ZNF385D: variants seen among roughly 807,000 people sequenced by gnomAD.
The protein encoded by ZNF385D is zinc finger protein 659.
A neutral mutation model predicts 35.8 loss-of-function variants in ZNF385D; 15 were observed. That is an observed-to-expected ratio of 0.42 (90% CI 0.28 to 0.64). The LOEUF (loss-of-function observed/expected upper bound fraction) is 0.64. Ranked by LOEUF, ZNF385D falls within the 30% of genes least tolerant of loss-of-function variation. ZNF385D has a pLI of 0.23. For synonymous variants in ZNF385D, 212 were observed against 186.8 expected (o/e 1.13, Z -1.10); for missense variants, 474 against 494.6 (o/e 0.96, Z 0.39).
At chr3:22,042,636 T>C (rs891439378) in intron 3 of ZNF385D, among the ~76,000 whole-genome samples, 1 of 152,116 alleles carries the variant, frequency 6.6e-6, no homozygotes, top group African/African-American at 2.4e-5. Context: ...GGAAAGCCCA[T>C]AAAACACCCA....
chr3:21,961,496 A>G (rs1327425012), intron 3 of ZNF385D: 1 of 152,196 alleles, frequency 6.6e-6, no homozygotes, highest in African/African-American at 2.4e-5. Flanking sequence ...TCTATTTGCA[A>G]TGAAATAAAT....
intron 2 of ZNF385D, among the ~76,000 whole-genome samples, chr3:22,230,820 T>C (rs149842145): frequency 2.3e-4 from 35 of 152,298 alleles, no homozygotes; most frequent in African/African-American, 7.9e-4. Flanking sequence ...ACAAGTATTG[T>C]TGTCTGCTTG....
intron 3 of ZNF385D, among the ~76,000 whole-genome samples, chr3:22,073,202 C>A (rs1700309988): frequency 6.6e-6 from 1 of 151,818 alleles, no homozygotes; most frequent in Non-Finnish European, 1.5e-5. Flanking sequence ...GTGTTTAAGT[C>A]CCAAATAATT....
rs924538716 is a variant in ZNF385D at position 21,417,771 on chromosome 3, C to T, written c.*3443G>A. Reference sequence around the variant, plus strand: ...TAATTTTCAAGTACATATAAATACTCCTTTGCTAACTAGTTTCTTGGCAAC... The same window carrying T: ...TAATTTTCAAGTACATATAAATACTTCTTTGCTAACTAGTTTCTTGGCAAC... On this transcript the variant is annotated 3_prime_UTR_variant, in exon 8 of 8. Coordinates refer to ENST00000281523, the MANE Select transcript of ZNF385D (RefSeq NM_024697.3). The T allele has an allele frequency of 1.3e-5, 2 of 152,066 alleles. No homozygotes were observed. Among genetic ancestry groups the T allele is most frequent in the African/African-American group, 4.8e-5 (2 of 41,408 alleles). 9.4% of individuals were successfully genotyped at this position (152,066 alleles called of 1,614,324 possible). A position where few individuals can be genotyped will look rare whatever the true frequency, so the allele number is the denominator to read the frequency against.
intron 3 of ZNF385D, among the ~76,000 whole-genome samples, chr3:21,855,607 T>C (rs1243861616): frequency 1.3e-5 from 2 of 151,994 alleles, no homozygotes; most frequent in Non-Finnish European, 2.9e-5. Flanking sequence ...GAAAAGATCA[T>C]CCAAATAAGA....
intron 4 of ZNF385D, among the ~76,000 whole-genome samples, chr3:21,440,272 A>C (rs1434800944): frequency 6.6e-6 from 1 of 152,142 alleles, no homozygotes; most frequent in Admixed American, 6.6e-5. Flanking sequence ...AATGAATGAT[A>C]ATGTTAACAG....
chr3:21,677,085 A>G (rs1015346775), intron 1 of ZNF385D, among the ~76,000 whole-genome samples: 2 of 152,160 alleles, frequency 1.3e-5, no homozygotes, highest in Non-Finnish European at 2.9e-5. Context: ...AAGGAAAGAC[A>G]TCGTAAAATA....
Position 21,732,027 on chromosome 3 carries a change from GGGGTTTT to G in ZNF385D, c.22+18861_22+18867del, listed in dbSNP as rs2069024761. ...CTATTCAGGGTTTTTTTCTTTTTTC[GGGGTTTT>G]TTTTTTTTTTTTTTTTTTTTTTTTT... On this transcript the variant is annotated intron_variant, in intron 1 of 7. Transcript: ENST00000281523. Among the ~76,000 whole-genome samples, 199 of 64,264 alleles carry G rather than the reference GGGGTTTT, an allele frequency of 3.1e-3. 61 individuals carry two copies. The highest frequency in any genetic ancestry group is 4.8e-3 in the African/African-American group (58 of 12,032). 42.2% of individuals were successfully genotyped at this position (64,264 alleles called of 152,430 possible).
intron 2 of ZNF385D, among the ~76,000 whole-genome samples, chr3:22,226,962 G>A (rs565584654): frequency 1.3e-5 from 2 of 152,160 alleles, no homozygotes; most frequent in South Asian, 4.2e-4. Flanking sequence ...TGCCAATATG[G>A]AAAAATACAG....
intron 3 of ZNF385D, among the ~76,000 whole-genome samples, chr3:22,024,876 G>A (rs1345367286): frequency 6.6e-6 from 1 of 152,164 alleles, no homozygotes; most frequent in African/African-American, 2.4e-5. Context: ...AGCAGATACT[G>A]AGCCTCAAAT....
At chr3:21,479,208 C>A (rs146591011) in intron 4 of ZNF385D, among the ~76,000 whole-genome samples, 269 of 149,388 alleles carry the variant, frequency 1.8e-3, no homozygotes, top group African/African-American at 6.4e-3. Context: ...TAATTTGGTT[C>A]AATATTCAGG....
At chr3:21,876,987 T>A (rs1698011068) in intron 3 of ZNF385D, among the ~76,000 whole-genome samples, 1 of 152,086 alleles carries the variant, frequency 6.6e-6, no homozygotes, top group African/African-American at 2.4e-5. Context: ...AGAGCAACTG[T>A]TAACACAATT....
At chr3:22,085,557 CA>C (rs1192977940) in intron 3 of ZNF385D, among the ~76,000 whole-genome samples, 1 of 152,280 alleles carries the variant, frequency 6.6e-6, no homozygotes, top group African/African-American at 2.4e-5. Flanking sequence ...AGACCAATAA[CA>C]GGCTCTGAAA....
chr3:21,735,974 T>A (rs776142129), intron 1 of ZNF385D, among the ~76,000 whole-genome samples: 3 of 152,222 alleles, frequency 2.0e-5, no homozygotes, highest in Non-Finnish European at 2.9e-5. Flanking sequence ...GCCCAAGAAT[T>A]GTGTGCTGGA....
intron 2 of ZNF385D, among the ~76,000 whole-genome samples, chr3:22,222,016 G>A (rs536977716): frequency 7.9e-5 from 12 of 151,440 alleles, no homozygotes; most frequent in Middle Eastern, 3.4e-3. Flanking sequence ...TCATTCCATC[G>A]TCCAGGCTGG....
chr3:22,030,301 A>ATCTATCTATCTATC (rs1491439646), intron 3 of ZNF385D, among the ~76,000 whole-genome samples: 1 of 110,490 alleles, frequency 9.1e-6, no homozygotes, highest in African/African-American at 3.6e-5. Flanking sequence ...ATATATATAT[A>ATCTATCTATCTATC]TCCTATTTGG....
At chr3:21,877,229 A>G (rs947255117) in intron 3 of ZNF385D, among the ~76,000 whole-genome samples, 8 of 152,142 alleles carry the variant, frequency 5.3e-5, no homozygotes, top group African/African-American at 1.9e-4. Context: ...TTTCATAACT[A>G]CCCTGCTTTG....
At chr3:22,077,078 A>T (rs999017009) in intron 3 of ZNF385D, among the ~76,000 whole-genome samples, 1 of 151,960 alleles carries the variant, frequency 6.6e-6, no homozygotes, top group Non-Finnish European at 1.5e-5. Context: ...ACCCATAATA[A>T]CCATATTTAA....
intron 2 of ZNF385D, among the ~76,000 whole-genome samples, chr3:22,227,215 G>A (rs1027946175): frequency 1.3e-5 from 2 of 151,886 alleles, no homozygotes; most frequent in South Asian, 2.1e-4. Flanking sequence ...TGTCATCCAA[G>A]GTTCCTAGTT....
Sources: gnomAD v4.1 joint callset for allele counts (sites outside exome capture counted in the v4.1 genomes callset) on GRCh38, gnomAD v4.1.1 for gene constraint, MANE v1.5 for transcripts, NCBI Gene and HGNC (gene_info 2026-07-23, HGNC 2026-07-21) for gene names.